Variants in ADAMTS19 observed in about 807,000 individuals in gnomAD.
ADAMTS19 encodes A disintegrin and metalloproteinase with thrombospondin motifs 19.
Under a neutral mutation model 153.3 loss-of-function variants are expected in ADAMTS19, and 93 were observed. The observed-to-expected ratio is 0.61, with a 90% CI of 0.51 to 0.72. The LOEUF (loss-of-function observed/expected upper bound fraction) is 0.72. Among genes scored for constraint, ADAMTS19 ranks in the 30% least tolerant of loss-of-function variants. The probability of loss-of-function intolerance (pLI) is 0.00; values close to 1 mark genes in which losing one functional copy is unlikely to be tolerated. For missense variants in ADAMTS19, 1,482 were observed against 1,552.1 expected, an observed-to-expected ratio of 0.95 and a Z score of 0.76; for synonymous variants, 600 against 556.6, an observed-to-expected ratio of 1.08 and a Z score of -1.10.
At chr5:129,547,504 C>G (rs1327041693) in intron 6 of ADAMTS19, among the ~76,000 whole-genome samples, 2 of 150,188 alleles carry the variant, frequency 1.3e-5, no homozygotes, top group African/African-American at 5.0e-5. Context: ...ATACATCAAC[C>G]ACAATTTAAT....
chr5:129,572,717 C>A (rs1249813367), intron 7 of ADAMTS19, among the ~76,000 whole-genome samples: 1 of 151,850 alleles, frequency 6.6e-6, no homozygotes, highest in African/African-American at 2.4e-5. Context: ...TTCTAAAAAA[C>A]AAACATAATG....
At chr5:129,510,004 C>T (rs1751387320) in intron 3 of ADAMTS19, among the ~76,000 whole-genome samples, 1 of 151,678 alleles carries the variant, frequency 6.6e-6, no homozygotes, top group South Asian at 2.1e-4. Flanking sequence ...AAAAGTTTTC[C>T]TAGGAAAAAT....
At chr5:129,511,713 C>T (rs1240092292) in intron 3 of ADAMTS19, among the ~76,000 whole-genome samples, 1 of 150,988 alleles carries the variant, frequency 6.6e-6, no homozygotes, top group Non-Finnish European at 1.5e-5. Context: ...GAACAGAGTC[C>T]AGGTTGAGAT....
chr5:129,518,875 TTTA>T (rs1279380747), intron 3 of ADAMTS19, among the ~76,000 whole-genome samples: 3 of 152,172 alleles, frequency 2.0e-5, no homozygotes, highest in Non-Finnish European at 4.4e-5. Flanking sequence ...TTCATTGTTT[TTTA>T]TTCTTTTTTG....
intron 7 of ADAMTS19, among the ~76,000 whole-genome samples, chr5:129,566,274 G>GA (rs1198170736): frequency 5.3e-5 from 8 of 151,882 alleles, no homozygotes; most frequent in Middle Eastern, 3.4e-3. Flanking sequence ...TTGCATCATA[G>GA]AAAAAAAATA....
chr5:129,714,351 G>A (rs56347470), intron 21 of ADAMTS19, among the ~76,000 whole-genome samples: 7,996 of 148,894 alleles, frequency 0.054, 332 homozygotes, highest in African/African-American at 0.11. Context: ...CCCGGGAAGC[G>A]GAGCTTGCAG....
chr5:129,692,495 T>C (rs1427416256), intron 18 of ADAMTS19, among the ~76,000 whole-genome samples: 1 of 152,202 alleles, frequency 6.6e-6, no homozygotes, highest in Non-Finnish European at 1.5e-5. Flanking sequence ...CTTCTAAGTA[T>C]CTGCCAGAGA....
chr5:129,687,991 T>C (rs1755166656), intron 18 of ADAMTS19: 1 of 152,218 alleles, frequency 6.6e-6, no homozygotes, highest in African/African-American at 2.4e-5. Context: ...CTCTGCTCCA[T>C]TGTGTTTAGT....
At chr5:129,606,861 G>A (rs1264213383) in intron 8 of ADAMTS19, among the ~76,000 whole-genome samples, 3 of 151,970 alleles carry the variant, frequency 2.0e-5, no homozygotes, top group African/African-American at 4.8e-5. Flanking sequence ...TATCACTTTC[G>A]TGAAAGTAAA....
intron 18 of ADAMTS19, among the ~76,000 whole-genome samples, chr5:129,694,278 A>G (rs1755460653): frequency 6.6e-6 from 1 of 152,148 alleles, no homozygotes; most frequent in African/African-American, 2.4e-5. Context: ...ATTGTTCTAA[A>G]ATTTGTTTAA....
intron 6 of ADAMTS19, among the ~76,000 whole-genome samples, chr5:129,536,411 A>G: frequency 6.6e-6 from 1 of 152,200 alleles, no homozygotes. Flanking sequence ...GTTAGGAAAC[A>G]ACAGGTGCTG....
chr5:129,566,159 C>G (rs899062943), intron 7 of ADAMTS19, among the ~76,000 whole-genome samples: 1 of 151,894 alleles, frequency 6.6e-6, no homozygotes, highest in Non-Finnish European at 1.5e-5. Context: ...TAGTGATATA[C>G]CAAAGTTGTC....
intron 8 of ADAMTS19, among the ~76,000 whole-genome samples, chr5:129,607,164 G>A (rs987299672): frequency 5.3e-5 from 8 of 152,204 alleles, no homozygotes; most frequent in Admixed American, 1.3e-4. Flanking sequence ...TGATCCACCC[G>A]CGGTGGCCTC....
At chr5:129,736,511 A>T (rs912057583) in intron 22 of ADAMTS19, among the ~76,000 whole-genome samples, 1 of 152,032 alleles carries the variant, frequency 6.6e-6, no homozygotes, top group Non-Finnish European at 1.5e-5. Context: ...CACTTCAACT[A>T]TTGCTGTAAA....
chr5:129,488,040 G>T (rs1297121847), intron 2 of ADAMTS19, among the ~76,000 whole-genome samples: 1 of 151,960 alleles, frequency 6.6e-6, no homozygotes, highest in Non-Finnish European at 1.5e-5. Context: ...ACTCTGTATT[G>T]TGTGTGTGGT....
intron 2 of ADAMTS19, among the ~76,000 whole-genome samples, chr5:129,494,465 C>A (rs926088237): frequency 3.9e-5 from 6 of 152,120 alleles, no homozygotes; most frequent in East Asian, 3.9e-4. Flanking sequence ...CAGTCTTAGG[C>A]CTTCTTTTCT....
At chr5:129,665,881 CAT>C (rs3979171) in intron 16 of ADAMTS19, among the ~76,000 whole-genome samples, 100,661 of 143,484 alleles carry the variant, frequency 0.7, 36,709 homozygotes, top group East Asian at 0.81. Context: ...GATTTATATT[CAT>C]ATATATATAT....
chr5:129,501,422 T>G (rs1751102752), intron 2 of ADAMTS19, among the ~76,000 whole-genome samples: 1 of 152,136 alleles, frequency 6.6e-6, no homozygotes, highest in African/African-American at 2.4e-5. Context: ...TGTCTTTTGC[T>G]TTGGGAGGGA....
rs1215722171 is a variant in ADAMTS19 at position 129,643,390 on chromosome 5, A to G, written c.1872+1430A>G. Among the ~76,000 whole-genome samples, 5 of 151,546 alleles carry G rather than the reference A, an allele frequency of 3.3e-5. No individual in the cohort carries two copies. The East Asian group carries it at 7.7e-4, about 23-fold the overall frequency. ...GACAAAAAAAAAAAAAAAAAAAGAAAAAAAAAAGAAAATATAAACACAAAA... is the reference window on the plus strand; with the variant it reads ...GACAAAAAAAAAAAAAAAAAAAGAAGAAAAAAAGAAAATATAAACACAAAA... On this transcript the variant is annotated intron_variant, in intron 11 of 22. Coordinates refer to ENST00000274487, the MANE Select transcript of ADAMTS19 (RefSeq NM_133638.6).
Sources: allele counts gnomAD v4.1 joint callset (sites outside exome capture counted in the v4.1 genomes callset), GRCh38; gene constraint gnomAD v4.1.1; transcripts MANE v1.5; gene names NCBI Gene and HGNC (gene_info 2026-07-23, HGNC 2026-07-21).